CD109: variants seen among roughly 807,000 people sequenced by gnomAD.
CD109 encodes CD109 antigen.
In CD109, 149 loss-of-function variants were observed where a neutral mutation model predicts 165.8. The observed-to-expected ratio is 0.90, with a 90% CI of 0.79 to 1.03. CD109 has a LOEUF of 1.03. Among genes scored for constraint, CD109 ranks in the 50% least tolerant of loss-of-function variants. CD109 has a pLI of 0.00. For synonymous variants in CD109, 585 were observed against 592.1 expected (o/e 0.99, Z 0.18); for missense variants, 1,712 against 1,677.8 (o/e 1.02, Z -0.36).
In CD109 at chr6:73,808,111, AT is replaced by A; in HGVS notation, c.3224del (p.Leu1075TrpfsTer15). 6.2e-7 allele frequency: 1 copy of A among 1,613,150 alleles called. No individual in the cohort carries two copies. The highest frequency in any genetic ancestry group is 1.3e-5 in the African/African-American group (1 of 74,960). On this transcript the variant is annotated frameshift_variant, in exon 26 of 33. Coordinates refer to ENST00000287097, the MANE Select transcript of CD109 (RefSeq NM_133493.5). LOFTEE classifies it high-confidence loss of function. The part of the protein sequence containing the change: ...QPNIDVQESI[H>X]FLESEFSRGI... ...AACATTGATGTGCAAGAGTCTATCC[AT>A]TTTTTGGAGTCTGAATTCAGTAGAG... is the stretch of plus-strand genomic sequence containing the variant.
the CD109 span, among the ~76,000 whole-genome samples, chr6:73,686,714 CAG>C: frequency 6.6e-6 from 1 of 151,982 alleles, no homozygotes; most frequent in African/African-American, 2.4e-5. Context: ...TTTTTTGAGA[CAG>C]AGTCTTTCTG....
At chr6:73,811,683 T>C (rs964623127) in intron 28 of CD109, among the ~76,000 whole-genome samples, 1 of 152,160 alleles carries the variant, frequency 6.6e-6, no homozygotes, top group African/African-American at 2.4e-5. Context: ...TTAACTGGAA[T>C]AAAAGAATAT....
At chr6:73,782,785 C>T (rs1390598714) in intron 18 of CD109, 30 bp downstream of exon 18, 1 of 1,605,094 alleles carries the variant, frequency 6.2e-7, no homozygotes, top group African/African-American at 1.3e-5. Context: ...TTTGCCCATA[C>T]ATATTTTGTT....
Position 73,824,956 on chromosome 6 carries a change from C to T in CD109, c.*1323C>T, listed in dbSNP as rs1184033659. 1.3e-5 allele frequency: 2 copies of T among 152,248 alleles called. No individual in the cohort carries two copies. Among genetic ancestry groups the T allele is most frequent in the African/African-American group, 4.8e-5 (2 of 41,546 alleles). 9.4% of individuals were successfully genotyped at this position (152,248 alleles called of 1,614,324 possible). ...CTCTTTAGCTCTATGGCATTTCACT[C>T]AAGTGGACAGGGGAAAAAGTAATTG... On this transcript the variant is annotated 3_prime_UTR_variant, in exon 33 of 33. Transcript: ENST00000287097.
intron 27 of CD109, 75 bp from the exon 28 acceptor site, chr6:73,810,917 A>G: frequency 7.0e-7 from 1 of 1,436,958 alleles, no homozygotes; most frequent in Non-Finnish European, 9.5e-7. Context: ...ATCCAGCAAC[A>G]AAATACTACT....
At chr6:73,692,099 C>G (rs1770700984), upstream of CD109, among the ~76,000 whole-genome samples, 1 of 152,072 alleles carries the variant, frequency 6.6e-6, no homozygotes, top group South Asian at 2.1e-4. Context: ...TTCACTATCG[C>G]AAGAACAGCA....
intron 2 of CD109, among the ~76,000 whole-genome samples, chr6:73,711,080 G>T (rs892948800): frequency 6.6e-6 from 1 of 152,168 alleles, no homozygotes; most frequent in Non-Finnish European, 1.5e-5. Context: ...GGCCAGACTG[G>T]ATCTGTAGGC....
chr6:73,770,134 C>A (rs1773982571), intron 14 of CD109, among the ~76,000 whole-genome samples: 3 of 151,094 alleles, frequency 2.0e-5, no homozygotes, highest in Non-Finnish European at 4.4e-5. Flanking sequence ...AGAATGAGAT[C>A]AATTGGGACT....
At chr6:73,733,984 G>C (rs1329766628) in intron 4 of CD109, among the ~76,000 whole-genome samples, 1 of 152,306 alleles carries the variant, frequency 6.6e-6, no homozygotes, top group East Asian at 1.9e-4. Context: ...ACTATTCCAG[G>C]ATCTCTGGCC....
At chr6:73,759,334 G>T (rs1013313129) in intron 7 of CD109, among the ~76,000 whole-genome samples, 1 of 151,294 alleles carries the variant, frequency 6.6e-6, no homozygotes, top group Non-Finnish European at 1.5e-5. Context: ...AAGCCACCAC[G>T]CCTGGCTAAT....
intron 28 of CD109, 24 bp downstream of exon 28, chr6:73,811,171 A>T (rs1343514715): frequency 1.2e-6 from 2 of 1,605,190 alleles, no homozygotes; most frequent in South Asian, 2.2e-5. Flanking sequence ...GCAGTTATTT[A>T]AAAATCAGTG....
chr6:73,790,607 A>G (rs1407767000), intron 22 of CD109, among the ~76,000 whole-genome samples: 1 of 152,192 alleles, frequency 6.6e-6, no homozygotes. Context: ...CTCTGAGTCC[A>G]AAGGCCTGTG....
chr6:73,827,627 A>C lies in CD109; in HGVS notation c.*3994A>C, dbSNP rs192421414. On this transcript the variant is annotated 3_prime_UTR_variant, in exon 33 of 33. Coordinates refer to ENST00000287097, the MANE Select transcript of CD109 (RefSeq NM_133493.5). ...TTTAAAGTAAGTATATATCAGTGAGAGTAGGCTTGTTTTACAACTATTTCT... is the reference window on the plus strand; with the variant it reads ...TTTAAAGTAAGTATATATCAGTGAGCGTAGGCTTGTTTTACAACTATTTCT... 6.6e-6 allele frequency: 1 copy of C among 152,168 alleles called. No homozygotes were observed. Among genetic ancestry groups the C allele is most frequent in the Non-Finnish European group, 1.5e-5 (1 of 68,012 alleles). 9.4% of individuals were successfully genotyped at this position (152,168 alleles called of 1,614,324 possible).
At chr6:73,710,294 A>G (rs1410061017) in intron 2 of CD109, among the ~76,000 whole-genome samples, 4 of 152,196 alleles carry the variant, frequency 2.6e-5, no homozygotes, top group African/African-American at 9.6e-5. Flanking sequence ...CTTATACACC[A>G]ATAACAGACA....
intron 22 of CD109, 33 bp downstream of exon 22, chr6:73,788,645 T>A (rs769523057): frequency 1.3e-6 from 2 of 1,556,666 alleles, no homozygotes; most frequent in Non-Finnish European, 1.8e-6. Flanking sequence ...TCTATTGGTT[T>A]AATTGTATAT....
chr6:73,756,518 A>G (rs1773397086), intron 5 of CD109, 125 bp from the exon 6 acceptor site: 2 of 642,272 alleles, frequency 3.1e-6, no homozygotes, highest in Admixed American at 7.0e-5. Context: ...AAGTTTGTTC[A>G]TTGCATCATT....
chr6:73,807,216 C>T (rs1775599399), intron 25 of CD109, 144 bp downstream of exon 25: 1 of 634,754 alleles, frequency 1.6e-6, no homozygotes, highest in South Asian at 2.0e-5. Context: ...TTTTGCTTTG[C>T]ATTTGTGGCC....
At chr6:73,724,294 G>A (rs1390703698) in intron 3 of CD109, among the ~76,000 whole-genome samples, 1 of 152,120 alleles carries the variant, frequency 6.6e-6, no homozygotes, top group Non-Finnish European at 1.5e-5. Context: ...AATGAGATGT[G>A]GAAGTGTTGT....
chr6:73,821,079 G>A (rs1236552518), intron 32 of CD109, among the ~76,000 whole-genome samples: 2 of 152,112 alleles, frequency 1.3e-5, no homozygotes, highest in African/African-American at 4.8e-5. Context: ...AATGCTGCAT[G>A]TTCGCACTCA....
Sources: allele counts gnomAD v4.1 joint callset (sites outside exome capture counted in the v4.1 genomes callset), GRCh38; gene constraint gnomAD v4.1.1; transcripts MANE v1.5; gene names NCBI Gene and HGNC (gene_info 2026-07-23, HGNC 2026-07-21).